SDK1: variants seen among roughly 807,000 people sequenced by gnomAD.
SDK1 encodes the protein sidekick cell adhesion molecule 1.
A neutral mutation model predicts 245.5 loss-of-function variants in SDK1; 157 were observed. The observed-to-expected ratio is 0.64, with a 90% confidence interval of 0.56 to 0.73. The LOEUF (loss-of-function observed/expected upper bound fraction) is 0.73. Among genes scored for constraint, SDK1 ranks in the 30% least tolerant of loss-of-function variants. The probability of loss-of-function intolerance (pLI) is 0.00; values close to 1 mark genes in which losing one functional copy is unlikely to be tolerated. For missense variants in SDK1, 3,583 were observed against 3,002.3 expected (o/e 1.19, Z -4.52); for synonymous variants, 1,647 against 1,278.5 (o/e 1.29, Z -6.15).
intron 4 of SDK1, among the ~76,000 whole-genome samples, chr7:3,773,825 C>G (rs765028831): frequency 1.3e-5 from 2 of 152,192 alleles, no homozygotes; most frequent in African/African-American, 2.4e-5. Flanking sequence ...CAGGCACTTC[C>G]TAATTTTCCT....
intron 35 of SDK1, among the ~76,000 whole-genome samples, chr7:4,203,067 C>A (rs932901462): frequency 6.6e-6 from 1 of 152,226 alleles, no homozygotes; most frequent in Non-Finnish European, 1.5e-5. Context: ...CGACAGAATG[C>A]CGTCCTTGCT....
chr7:4,026,464 G>T lies in SDK1; in HGVS notation c.2602+9112G>T, dbSNP rs1342766372. On this transcript the variant is annotated intron_variant, in intron 17 of 44. Transcript: ENST00000404826. This position sits in a 1 kb window ranked among gnomAD's most constrained non-coding sequence, Gnocchi z 4.1. The stretch of plus-strand genomic sequence containing the variant: ...GAGTCAGACGACTGGCTTCACGAGG[G>T]CCCGGTGTGCAGACAGCCTGCCAGG... Among the ~76,000 whole-genome samples, 1 of 152,220 alleles carries T rather than the reference G, an allele frequency of 6.6e-6. No homozygotes were observed. Among genetic ancestry groups the T allele is most frequent in the African/African-American group, 2.4e-5 (1 of 41,460 alleles).
chr7:3,968,310 C>A (rs940855571), intron 10 of SDK1, among the ~76,000 whole-genome samples: 13 of 152,238 alleles, frequency 8.5e-5, no homozygotes, highest in Non-Finnish European at 4.4e-5. Context: ...ACTGAAGGAA[C>A]AGCACACAGA....
intron 1 of SDK1, among the ~76,000 whole-genome samples, chr7:3,398,361 G>C (rs966347205): frequency 1.3e-5 from 2 of 152,008 alleles, no homozygotes; most frequent in African/African-American, 4.8e-5. Flanking sequence ...ATAAACCTCA[G>C]ATTTGTTTAG....
At chr7:3,656,057 G>A (rs1422451516) in intron 4 of SDK1, among the ~76,000 whole-genome samples, 3 of 152,196 alleles carry the variant, frequency 2.0e-5, no homozygotes, top group East Asian at 1.9e-4. Context: ...TTCTCCAATT[G>A]TCTACATGAG....
chr7:3,356,255 G>C (rs1010850738), intron 1 of SDK1, among the ~76,000 whole-genome samples: 1 of 151,998 alleles, frequency 6.6e-6, no homozygotes, highest in Non-Finnish European at 1.5e-5. Context: ...CTCTTTTTTG[G>C]GGGGTGGGGG....
chr7:3,978,741 T>C (rs998850184), intron 13 of SDK1, among the ~76,000 whole-genome samples: 1 of 151,770 alleles, frequency 6.6e-6, no homozygotes, highest in African/African-American at 2.4e-5. Flanking sequence ...TTTACTCAGA[T>C]AACCAAAAAA....
chr7:3,626,638 TCTC>T (rs1168281465), intron 2 of SDK1, among the ~76,000 whole-genome samples: 2 of 152,216 alleles, frequency 1.3e-5, no homozygotes, highest in African/African-American at 4.8e-5. Flanking sequence ...CATTGACTTC[TCTC>T]CTCCTCACCT....
At chr7:3,507,424 A>G (rs924412063) in intron 1 of SDK1, among the ~76,000 whole-genome samples, 1 of 152,210 alleles carries the variant, frequency 6.6e-6, no homozygotes, top group Admixed American at 6.5e-5. Context: ...TGGGGTAGCC[A>G]GTACCTACAG....
At chr7:4,097,337 A>C (rs7790901) in intron 22 of SDK1, among the ~76,000 whole-genome samples, 1 of 152,056 alleles carries the variant, frequency 6.6e-6, no homozygotes, top group African/African-American at 2.4e-5. Flanking sequence ...TGTGGTTACC[A>C]TCTTTGTCCT....
chr7:3,918,787 G>A (rs967002565), intron 5 of SDK1, among the ~76,000 whole-genome samples: 12 of 152,004 alleles, frequency 7.9e-5, no homozygotes, highest in South Asian at 2.1e-4. Context: ...ACGCTGGACC[G>A]GCGGTTCTAC....
intron 4 of SDK1, among the ~76,000 whole-genome samples, chr7:3,657,837 G>C (rs1228610888): frequency 6.6e-6 from 1 of 152,322 alleles, no homozygotes; most frequent in East Asian, 1.9e-4. Flanking sequence ...CAATTTTGTG[G>C]ATGACTGCAG....
At chr7:3,909,367 G>T (rs11980697) in intron 5 of SDK1, among the ~76,000 whole-genome samples, 96 of 152,334 alleles carry the variant, frequency 6.3e-4, no homozygotes, top group African/African-American at 2.1e-3. Flanking sequence ...AGGCACTGCT[G>T]TTGGCTCCTG....
At chr7:3,658,866 C>T (rs1371705190) in intron 4 of SDK1, among the ~76,000 whole-genome samples, 2 of 152,182 alleles carry the variant, frequency 1.3e-5, no homozygotes, top group Non-Finnish European at 2.9e-5. Flanking sequence ...GATCCGCCCA[C>T]TTCAGCCTCT....
At chr7:3,782,782 A>G (rs1780783923) in intron 4 of SDK1, among the ~76,000 whole-genome samples, 1 of 152,228 alleles carries the variant, frequency 6.6e-6, no homozygotes, top group Non-Finnish European at 1.5e-5. Flanking sequence ...TGAATTTAAT[A>G]TGTATTGCTT....
At chr7:3,442,314 A>G (rs762007493) in intron 1 of SDK1, among the ~76,000 whole-genome samples, 1 of 152,216 alleles carries the variant, frequency 6.6e-6, no homozygotes, top group Non-Finnish European at 1.5e-5. Flanking sequence ...GCCAAGGTTC[A>G]ACTCGTGTAT....
chr7:4,116,627 C>T (rs1783729257), intron 25 of SDK1, among the ~76,000 whole-genome samples: 1 of 152,228 alleles, frequency 6.6e-6, no homozygotes, highest in Admixed American at 6.5e-5. Flanking sequence ...AACTTTCAGC[C>T]ACCAGCACCA....
intron 4 of SDK1, among the ~76,000 whole-genome samples, chr7:3,807,294 G>C (rs1462718539): frequency 6.6e-6 from 1 of 152,178 alleles, no homozygotes; most frequent in African/African-American, 2.4e-5. Context: ...CTGCCTAGGA[G>C]GGTTCTATCA....
intron 28 of SDK1, among the ~76,000 whole-genome samples, chr7:4,135,489 T>C (rs1779012351): frequency 6.6e-6 from 1 of 152,264 alleles, no homozygotes; most frequent in Admixed American, 6.5e-5. Flanking sequence ...AGAAAGCAGC[T>C]GTCGTCTGCA....
Sources: gnomAD v4.1 joint callset for allele counts (sites outside exome capture counted in the v4.1 genomes callset) on GRCh38, gnomAD v4.1.1 for gene constraint, Gnocchi (gnomAD v3.1) non-coding constraint, MANE v1.5 for transcripts, NCBI Gene and HGNC (gene_info 2026-07-23, HGNC 2026-07-21) for gene names.